Variants in NAALADL2 observed in about 807,000 individuals in gnomAD.
The protein encoded by NAALADL2 is inactive N-acetylated-alpha-linked acidic dipeptidase-like protein 2.
Under a neutral mutation model 87.2 loss-of-function variants are expected in NAALADL2, and 76 were observed. That is an observed-to-expected ratio of 0.87 (90% CI 0.72 to 1.05). NAALADL2 has a LOEUF of 1.05. Ranked by LOEUF, NAALADL2 falls within the 50% of genes least tolerant of loss-of-function variation. NAALADL2 has a pLI of 0.00. For missense variants in NAALADL2, 1,089 were observed against 945.8 expected (o/e 1.15, Z -1.99); for synonymous variants, 354 against 331.0 (o/e 1.07, Z -0.75).
intron 11 of NAALADL2, among the ~76,000 whole-genome samples, chr3:175,671,765 C>T (rs946104790): frequency 6.6e-6 from 1 of 151,926 alleles, no homozygotes; most frequent in Admixed American, 6.6e-5. Flanking sequence ...AGAAAACTGT[C>T]ACCAAAATTT....
intron 5 of NAALADL2, among the ~76,000 whole-genome samples, chr3:175,427,998 C>CT (rs1218917568): frequency 6.6e-6 from 1 of 151,906 alleles, no homozygotes; most frequent in Non-Finnish European, 1.5e-5. Flanking sequence ...TAATCTTCAC[C>CT]TTTTTTTGAA....
At chr3:174,608,941 A>G (rs1411802493) in intron 2 of NAALADL2, among the ~76,000 whole-genome samples, 1 of 151,904 alleles carries the variant, frequency 6.6e-6, no homozygotes, top group African/African-American at 2.4e-5. Context: ...CAAATCCAGC[A>G]GCACATCAAA....
chr3:175,794,340 C>T (rs185202291), intron 13 of NAALADL2, among the ~76,000 whole-genome samples: 10 of 150,322 alleles, frequency 6.7e-5, no homozygotes, highest in Admixed American at 3.3e-4. Flanking sequence ...AAAATGGTCG[C>T]GATGAAATAT....
At position 174,754,466 on chromosome 3, in the gene NAALADL2, C is replaced by CT. The variant is rs11285494; in HGVS notation, c.-9+16741dup. Among the ~76,000 whole-genome samples, 723 of 125,472 alleles carry CT rather than the reference C, an allele frequency of 5.8e-3. 2 individuals carry two copies. Among genetic ancestry groups the CT allele is most frequent in the East Asian group, 9.0e-3 (39 of 4,312 alleles). 82.3% of individuals were successfully genotyped at this position (125,472 alleles called of 152,430 possible). On this transcript the variant is annotated intron_variant, in intron 3 of 3. Transcript: ENST00000434257. ...CACGTATGCAAAATTACAGAGCTAT[C>CT]TTTTTTTTTTTTTTTTTTTTTAAAG...
At chr3:175,134,624 T>C (rs1044166265) in intron 2 of NAALADL2, among the ~76,000 whole-genome samples, 4 of 152,166 alleles carry the variant, frequency 2.6e-5, no homozygotes, top group Admixed American at 6.5e-5. Flanking sequence ...AGAGTATAGA[T>C]GCTGTCTCCA....
chr3:175,374,553 GAAAAAAAAAAAAAAAAAAAA>G (rs765485400), intron 5 of NAALADL2, among the ~76,000 whole-genome samples: 539 of 45,456 alleles, frequency 0.012, 16 homozygotes, highest in African/African-American at 0.035. Flanking sequence ...TGCATCTCCA[GAAAAAAAAAAAAAAAAAAAA>G]AAAAAAAAAA....
At chr3:174,673,574 C>T (rs1726768209) in intron 2 of NAALADL2, among the ~76,000 whole-genome samples, 1 of 145,946 alleles carries the variant, frequency 6.9e-6, no homozygotes, top group African/African-American at 2.5e-5. Flanking sequence ...AATTCTCACT[C>T]ACATGTAAGA....
intron 9 of NAALADL2, among the ~76,000 whole-genome samples, chr3:175,511,856 TG>T (rs1372634711): frequency 2.6e-5 from 4 of 152,212 alleles, no homozygotes; most frequent in Admixed American, 2.6e-4. Flanking sequence ...AGCTAGTCCT[TG>T]TTACTTACAA....
intron 10 of NAALADL2, among the ~76,000 whole-genome samples, chr3:175,590,042 C>T (rs1205010029): frequency 6.6e-6 from 1 of 151,842 alleles, no homozygotes; most frequent in Non-Finnish European, 1.5e-5. Context: ...GAAGCCCCAT[C>T]TCTCCTAAAA....
intron 8 of NAALADL2, among the ~76,000 whole-genome samples, chr3:175,467,905 T>C (rs1252020608): frequency 6.6e-6 from 1 of 152,142 alleles, no homozygotes; most frequent in Non-Finnish European, 1.5e-5. Flanking sequence ...GATAATTGGA[T>C]TGATAGAAAG....
At chr3:175,757,996 C>G (rs1013725685) in intron 13 of NAALADL2, among the ~76,000 whole-genome samples, 2 of 151,954 alleles carry the variant, frequency 1.3e-5, no homozygotes, top group African/African-American at 4.8e-5. Flanking sequence ...CCCCATTTGT[C>G]TTTCTTGGCA....
Position 174,446,849 on chromosome 3 carries a change from C to T in NAALADL2, c.-184+5817C>T, listed in dbSNP as rs1050206695. ...GAAGCCAGCTTGAAATTTTTGATCACCTTCAGGTGATAAAAGCCTTTTTCC... is the reference window on the plus strand; with the variant it reads ...GAAGCCAGCTTGAAATTTTTGATCATCTTCAGGTGATAAAAGCCTTTTTCC... On this transcript the variant is annotated intron_variant, in intron 1 of 3. Transcript: ENST00000434257. Among the ~76,000 whole-genome samples the T allele has an allele frequency of 7.9e-5, 12 of 152,196 alleles. No homozygotes were observed. The South Asian group carries it at 2.5e-3, about 32-fold the overall frequency.
rs1241488061 is a variant in NAALADL2, at chr3:175,808,622, GATTTTA to G, written c.*5420_*5425del. 2 of 152,060 alleles carry G rather than the reference GATTTTA, an allele frequency of 1.3e-5. No homozygotes were observed. The highest frequency in any genetic ancestry group is 6.8e-3 in the Middle Eastern group (2 of 294). 9.4% of individuals were successfully genotyped at this position (152,060 alleles called of 1,614,324 possible). On this transcript the variant is annotated 3_prime_UTR_variant, in exon 14 of 14. Coordinates refer to ENST00000454872, the MANE Select transcript of NAALADL2 (RefSeq NM_207015.3). The stretch of plus-strand genomic sequence containing the variant: ...AGGTAGCTTTTCTCAGAAGGAAACA[GATTTTA>G]TTTTCCAGGGGCTAATTAATATGCA...
intron 2 of NAALADL2, among the ~76,000 whole-genome samples, chr3:174,693,959 T>C (rs1315027947): frequency 6.6e-6 from 1 of 152,158 alleles, no homozygotes; most frequent in African/African-American, 2.4e-5. Flanking sequence ...AGAATTAACA[T>C]TGGAACTGGA....
intron 3 of NAALADL2, among the ~76,000 whole-genome samples, chr3:175,245,278 C>T (rs577069981): frequency 1.3e-5 from 2 of 152,212 alleles, no homozygotes; most frequent in African/African-American, 4.8e-5. Context: ...TTATTAAATT[C>T]TGGAAAATGT....
At chr3:175,048,239 G>A (rs1017226689) in intron 1 of NAALADL2, among the ~76,000 whole-genome samples, 2 of 152,102 alleles carry the variant, frequency 1.3e-5, no homozygotes, top group African/African-American at 4.8e-5. Context: ...TATCTGCCAG[G>A]AAAATATCTT....
intron 2 of NAALADL2, among the ~76,000 whole-genome samples, chr3:174,685,896 T>C (rs1368432410): frequency 7.0e-6 from 1 of 143,510 alleles, no homozygotes; most frequent in Non-Finnish European, 1.5e-5. Context: ...TTATCTCCCA[T>C]GTATAAGTGA....
chr3:175,697,351 T>C (rs77440592), intron 11 of NAALADL2, among the ~76,000 whole-genome samples: 8,986 of 151,370 alleles, frequency 0.059, 342 homozygotes, highest in African/African-American at 0.11. Context: ...TACTACCCCT[T>C]TTCTGTTGAA....
intron 2 of NAALADL2, among the ~76,000 whole-genome samples, chr3:174,619,894 A>G (rs137966436): frequency 2.6e-5 from 4 of 152,128 alleles, no homozygotes; most frequent in African/African-American, 9.6e-5. Flanking sequence ...GTTATTATAT[A>G]CTATGCACTA....
Sources: gnomAD v4.1 joint callset for allele counts (sites outside exome capture counted in the v4.1 genomes callset) on GRCh38, gnomAD v4.1.1 for gene constraint, MANE v1.5 for transcripts, NCBI Gene and HGNC (gene_info 2026-07-23, HGNC 2026-07-21) for gene names.